PAQR5: variants seen among roughly 807,000 people sequenced by gnomAD.
PAQR5 encodes the protein membrane progestin receptor gamma.
Under a neutral mutation model 34.5 loss-of-function variants are expected in PAQR5, and 20 were observed. The observed-to-expected ratio is 0.58, with a 90% CI of 0.41 to 0.84. The LOEUF is 0.84. Among genes scored for constraint, PAQR5 ranks in the 40% least tolerant of loss-of-function variants. PAQR5 has a pLI of 0.00. For synonymous variants in PAQR5, 131 were observed against 155.6 expected (o/e 0.84, Z 1.18); for missense variants, 378 against 412.7 (o/e 0.92, Z 0.73).
chr15:69,373,093 T>C (rs1340497319), intron 3 of PAQR5, among the ~76,000 whole-genome samples: 1 of 152,242 alleles, frequency 6.6e-6, no homozygotes, highest in African/African-American at 2.4e-5. Flanking sequence ...CAATGTTGCA[T>C]CTCTCTGACC....
At chr15:69,351,936 C>A (rs998534095) in intron 2 of PAQR5, among the ~76,000 whole-genome samples, 1 of 152,158 alleles carries the variant, frequency 6.6e-6, no homozygotes, top group Admixed American at 6.5e-5. Context: ...ACACACATTC[C>A]TCATTTGGGT....
chr15:69,381,128 T>C (rs888182172), intron 4 of PAQR5, among the ~76,000 whole-genome samples: 3 of 152,354 alleles, frequency 2.0e-5, no homozygotes, highest in African/African-American at 7.2e-5. Context: ...AGCACAGCCC[T>C]GCTCCAGGGG....
intron 5 of PAQR5, among the ~76,000 whole-genome samples, chr15:69,388,784 G>C (rs1442548600): frequency 6.6e-6 from 1 of 152,220 alleles, no homozygotes; most frequent in Non-Finnish European, 1.5e-5. Context: ...CCAAAGCCTT[G>C]TTCAGCCCTG....
chr15:69,388,826 G>A (rs1461972617), intron 5 of PAQR5, among the ~76,000 whole-genome samples: 1 of 152,202 alleles, frequency 6.6e-6, no homozygotes, highest in African/African-American at 2.4e-5. Flanking sequence ...GATGTCTTTG[G>A]AATGACAGGT....
In PAQR5 at chr15:69,404,127, G is replaced by T. The variant is rs1305798254; in HGVS notation, c.*305G>T. On this transcript the variant is annotated 3_prime_UTR_variant, in exon 9 of 9. Coordinates refer to ENST00000395407, the MANE Select transcript of PAQR5 (RefSeq NM_017705.4). ...GTTTTAAATTCTATTTAAACATTTG[G>T]ATTAAGCATATTACTCTGGAGCTTT... The T allele has an allele frequency of 6.3e-5, 19 of 300,246 alleles. No individual in the cohort carries two copies. The East Asian group carries it at 1.4e-3, about 23-fold the overall frequency. 18.6% of individuals were successfully genotyped at this position (300,246 alleles called of 1,614,324 possible).
intron 6 of PAQR5, among the ~76,000 whole-genome samples, chr15:69,393,378 G>A (rs1398394988): frequency 7.0e-6 from 1 of 141,886 alleles, no homozygotes; most frequent in Non-Finnish European, 1.6e-5. Flanking sequence ...GTAGAGAGGA[G>A]GGTGTGGGTA....
chr15:69,302,351 G>A (rs2053624460), intron 1 of PAQR5, among the ~76,000 whole-genome samples: 1 of 152,074 alleles, frequency 6.6e-6, no homozygotes, highest in Non-Finnish European at 1.5e-5. Context: ...GGGATTACAG[G>A]TGTGATCCAC....
At chr15:69,397,103 A>G (rs1567042494) in intron 6 of PAQR5, 14 of 386,600 alleles carry the variant, frequency 3.6e-5, no homozygotes, top group South Asian at 7.1e-5. Context: ...GGATCCCCCG[A>G]TTCCCCCTAC....
Position 69,403,712 on chromosome 15 carries a change from A to C in PAQR5, c.883A>C (p.Ile295Leu), listed in dbSNP as rs1431303793. Residue 295 changes from isoleucine to leucine, a missense_variant, in exon 9 of 9, where the codon ATA becomes CTA. Physicochemically the swap from Ile to Leu is conservative, Grantham distance 5 (BLOSUM62 2). Coordinates refer to ENST00000395407, the MANE Select transcript of PAQR5 (RefSeq NM_017705.4). ...CTCCAAGCCCTTCTCTTTCTCTCAG[A>C]TAGCTGGAGCCATACTTCTGTGCAT... ...ATSKPFSFSQ[I>L]AGAILLCIIF... 1 of 1,614,214 alleles carries C rather than the reference A, an allele frequency of 6.2e-7. No individual in the cohort carries two copies. The highest frequency in any genetic ancestry group is 1.7e-5 in the Admixed American group (1 of 60,016).
At position 69,379,700 on chromosome 15, in the gene PAQR5, G is replaced by A. The variant is rs577259747; in HGVS notation, c.52-183G>A. On this transcript the variant is annotated intron_variant, in intron 3 of 8. Coordinates refer to ENST00000395407, the MANE Select transcript of PAQR5 (RefSeq NM_017705.4). Reference sequence around the variant, plus strand: ...CCCCCAGCTAGCTGGAGGCTTCTTGGAGGACAAGGGATTTTAGAAGCTACT... The same window carrying A: ...CCCCCAGCTAGCTGGAGGCTTCTTGAAGGACAAGGGATTTTAGAAGCTACT... The A allele has an allele frequency of 6.2e-5, 48 of 777,364 alleles. 2 individuals carry two copies. In the African/African-American group the frequency reaches 7.5e-4, roughly 12 times the overall value. The allele number at this position is 777,364 out of a possible 1,614,324, so 48.2% of individuals were successfully genotyped here.
rs576950032 is a variant in PAQR5, at chr15:69,313,144, G to C, written c.-277+14088G>C. Reference sequence around the variant, plus strand: ...TTGTTGTATGTGTTTTACCTCCCCAGTAAAGACCCTGTCACGACTCCCTGA... The same window carrying C: ...TTGTTGTATGTGTTTTACCTCCCCACTAAAGACCCTGTCACGACTCCCTGA... On this transcript the variant is annotated intron_variant, in intron 1 of 8. Transcript: ENST00000395407. 1.6e-4 allele frequency among the ~76,000 whole-genome samples: 24 copies of C among 152,244 alleles called. No homozygotes were observed. The South Asian group carries it at 5.0e-3, about 32-fold the overall frequency.
intron 1 of PAQR5, among the ~76,000 whole-genome samples, chr15:69,322,131 G>C (rs921604747): frequency 2.1e-5 from 3 of 146,130 alleles, no homozygotes; most frequent in African/African-American, 7.8e-5. Flanking sequence ...CTTGAGACCA[G>C]CCTGGGCAAC....
rs188733041 is a variant in PAQR5, at chr15:69,328,180, A to G, written c.-276-9161A>G. 2.0e-3 allele frequency among the ~76,000 whole-genome samples: 305 copies of G among 152,306 alleles called. 1 individual carries two copies. The highest frequency in any genetic ancestry group is 0.017 in the South Asian group (82 of 4,824). ...CAACATTTGAAAGGATCAGAGAATG[A>G]TATACATCAAGCTAATAATCATAAT... On this transcript the variant is annotated intron_variant, in intron 1 of 8. Transcript: ENST00000395407.
At chr15:69,390,164 C>T (rs909259196) in intron 6 of PAQR5, among the ~76,000 whole-genome samples, 3 of 151,974 alleles carry the variant, frequency 2.0e-5, no homozygotes, top group Non-Finnish European at 2.9e-5. Flanking sequence ...TACAGGCACC[C>T]GCCATCACGC....
chr15:69,305,071 C>G (rs1173150544), intron 1 of PAQR5, among the ~76,000 whole-genome samples: 1 of 152,216 alleles, frequency 6.6e-6, no homozygotes. Flanking sequence ...GTCTCAACCT[C>G]AGCACTATTG....
chr15:69,324,763 T>A (rs2054207304), intron 1 of PAQR5, among the ~76,000 whole-genome samples: 1 of 152,194 alleles, frequency 6.6e-6, no homozygotes, highest in Admixed American at 6.5e-5. Flanking sequence ...CGTACTTCCG[T>A]GCTGAACTAC....
chr15:69,393,830 A>C (rs2056337229), intron 6 of PAQR5, among the ~76,000 whole-genome samples: 1 of 152,198 alleles, frequency 6.6e-6, no homozygotes, highest in Non-Finnish European at 1.5e-5. Context: ...TCGTCCCCTG[A>C]GTGGTTTTTG....
intron 2 of PAQR5, among the ~76,000 whole-genome samples, chr15:69,339,181 C>T (rs543265016): frequency 9.4e-5 from 14 of 148,568 alleles, no homozygotes; most frequent in Non-Finnish European, 2.0e-4. Context: ...CCCCCCACCC[C>T]GCCACCAAGT....
chr15:69,315,939 C>G (rs2053936393), intron 1 of PAQR5, among the ~76,000 whole-genome samples: 1 of 152,126 alleles, frequency 6.6e-6, no homozygotes, highest in African/African-American at 2.4e-5. Context: ...AGCTCAAGGC[C>G]AGCCTGGAGC....
Sources: allele counts gnomAD v4.1 joint callset (sites outside exome capture counted in the v4.1 genomes callset), GRCh38; gene constraint gnomAD v4.1.1; transcripts MANE v1.5; gene names NCBI Gene and HGNC (gene_info 2026-07-23, HGNC 2026-07-21).